Variants in DAP3 observed in about 807,000 individuals in gnomAD.
The protein encoded by DAP3 is small ribosomal subunit protein mS29.
A neutral mutation model predicts 51.9 loss-of-function variants in DAP3; 28 were observed. The ratio of observed to expected loss-of-function variants is 0.54; its 90% CI spans 0.40 to 0.74. DAP3 has a LOEUF of 0.74. DAP3 is among the 30% of genes least tolerant of loss of function. The pLI, the probability that DAP3 is intolerant of heterozygous loss-of-function variation, is 0.00. For synonymous variants in DAP3, 170 were observed against 170.3 expected, an observed-to-expected ratio of 1.00 and a Z score of 0.01; for missense variants, 458 against 483.5, an observed-to-expected ratio of 0.95 and a Z score of 0.49.
At chr1:155,738,051 C>T in intron 12 of DAP3, 106 bp from the exon 13 acceptor site, 2 of 1,053,852 alleles carry the variant, frequency 1.9e-6, no homozygotes, top group South Asian at 1.4e-5. Flanking sequence ...ATGATAATTA[C>T]CTCAGAACGT....
chr1:155,730,624 A>G (rs1218367535), intron 9 of DAP3, among the ~76,000 whole-genome samples: 2 of 151,722 alleles, frequency 1.3e-5, no homozygotes, highest in South Asian at 4.1e-4. Flanking sequence ...TCAAAAAAAT[A>G]AAAAAAAAGA....
rs1657024423 is a variant in DAP3, at chr1:155,713,964, ATTAC to A, written c.46-3039_46-3036del. On this transcript the variant is annotated intron_variant, in intron 2 of 12. Coordinates refer to ENST00000368336, the MANE Select transcript of DAP3 (RefSeq NM_004632.4). ...GTGCTATTAGCAGAAAGGAAAGAGA[ATTAC>A]TTTTGACTGGAGGTGTCTGGCAAAT... is the stretch of plus-strand genomic sequence containing the variant. Among the ~76,000 whole-genome samples, 3 of 152,348 alleles carry A rather than the reference ATTAC, an allele frequency of 2.0e-5. No homozygotes were observed. In the South Asian group the frequency reaches 6.2e-4, roughly 32 times the overall value.
intron 11 of DAP3, among the ~76,000 whole-genome samples, chr1:155,735,935 G>A (rs1348117168): frequency 6.8e-6 from 1 of 146,050 alleles, no homozygotes; most frequent in Non-Finnish European, 1.5e-5. Flanking sequence ...TCCACCTCCC[G>A]AGTTTAAGCA....
rs77625214 is a variant in DAP3 at position 155,692,680 on chromosome 1, T to C, written c.-8+3506T>C. The stretch of plus-strand genomic sequence containing the variant: ...GGCTATATTCAGTGTAAAATTTCCA[T>C]CCCTTTCTTCCAGATGATGTCTAAC... On this transcript the variant is annotated intron_variant, in intron 1 of 12. Coordinates refer to ENST00000368336, the MANE Select transcript of DAP3 (RefSeq NM_004632.4). 4.2e-5 allele frequency among the ~76,000 whole-genome samples: 6 copies of C among 142,038 alleles called. 2 individuals carry two copies. Among genetic ancestry groups the C allele is most frequent in the African/African-American group, 1.6e-4 (5 of 31,524 alleles). The allele number at this position is 142,038 out of a possible 152,430, so 93.2% of individuals were successfully genotyped here.
At chr1:155,712,276 A>G (rs1335955960) in intron 2 of DAP3, among the ~76,000 whole-genome samples, 1 of 152,194 alleles carries the variant, frequency 6.6e-6, no homozygotes, top group Non-Finnish European at 1.5e-5. Context: ...ACAACAGTCT[A>G]CTTGAGTGAT....
chr1:155,698,076 CGTT>C (rs1354177576), intron 1 of DAP3, among the ~76,000 whole-genome samples: 3 of 152,174 alleles, frequency 2.0e-5, no homozygotes, highest in Non-Finnish European at 4.4e-5. Flanking sequence ...CCCCGAAAAT[CGTT>C]GTTATCCTGT....
At chr1:155,733,769 G>A (rs1336159525) in intron 11 of DAP3, among the ~76,000 whole-genome samples, 3 of 152,196 alleles carry the variant, frequency 2.0e-5, no homozygotes, top group African/African-American at 7.2e-5. Flanking sequence ...CCCAGGAGGC[G>A]GAGGTTGCAG....
intron 11 of DAP3, among the ~76,000 whole-genome samples, chr1:155,733,089 G>A (rs1333753074): frequency 7.9e-5 from 12 of 152,206 alleles, no homozygotes; most frequent in Non-Finnish European, 1.5e-5. Flanking sequence ...GTCAGTCTTT[G>A]TCATTTGAAA....
Position 155,726,028 on chromosome 1 carries a change from T to C in DAP3, c.472+9T>C, listed in dbSNP as rs1658538413. ...ACTACATATTCCAGATGGTAAGAAC[T>C]TCCTGTTGTTTCTTCTGTCTGTTAG... On this transcript the variant is annotated intron_variant, in intron 6 of 12. Coordinates refer to ENST00000368336, the MANE Select transcript of DAP3 (RefSeq NM_004632.4). 6.2e-7 allele frequency: 1 copy of C among 1,608,802 alleles called. No homozygotes were observed. Among genetic ancestry groups the C allele is most frequent in the African/African-American group, 1.3e-5 (1 of 74,892 alleles).
At chr1:155,705,312 T>C (rs1655813044) in intron 1 of DAP3, among the ~76,000 whole-genome samples, 1 of 149,854 alleles carries the variant, frequency 6.7e-6, no homozygotes, top group Admixed American at 6.7e-5. Context: ...GTGATAAAGT[T>C]GAAGCAGAGC....
intron 1 of DAP3, among the ~76,000 whole-genome samples, chr1:155,701,084 G>A (rs1352937570): frequency 1.5e-5 from 2 of 129,640 alleles, no homozygotes; most frequent in East Asian, 2.2e-4. Context: ...CTGGCCAGCC[G>A]CCCCGTCCGG....
At chr1:155,713,587 T>TA (rs1468065694) in intron 2 of DAP3, among the ~76,000 whole-genome samples, 1 of 152,126 alleles carries the variant, frequency 6.6e-6, no homozygotes, top group African/African-American at 2.4e-5. Flanking sequence ...GAGAGGGAGA[T>TA]ATGAAAATGA....
At position 155,721,562 on chromosome 1, in the gene DAP3, C is replaced by T. The variant is rs1481123806; in HGVS notation, c.214C>T (p.Pro72Ser). 9 of 1,614,034 alleles carry T rather than the reference C, an allele frequency of 5.6e-6. No individual in the cohort carries two copies. In the East Asian group the frequency reaches 2.0e-4, roughly 36 times the overall value. The change falls in exon 4 of 13, where the codon CCC becomes TCC. Residue 72 changes from proline to serine, a missense_variant. Pro to Ser is a moderately conservative substitution (Grantham distance 74). Coordinates refer to ENST00000368336, the MANE Select transcript of DAP3 (RefSeq NM_004632.4). Reference protein sequence around the residue: ...QHEGQHYNISPQDLETVFPHG... With the variant: ...QHEGQHYNISSQDLETVFPHG... ...CGAGGGTCAGCACTACAACATCTCC[C>T]CCCAGGATTTGGAGACTGTATTTCC...
In DAP3 at chr1:155,697,723, G is replaced by A. The variant is rs146935847; in HGVS notation, c.-8+8549G>A. On this transcript the variant is annotated intron_variant, in intron 1 of 12. Transcript: ENST00000368336. ...CCATGTCCCGCTGGGCACATTGGACGTTGATATTGATAAACATCTTAACAG... is the reference window on the plus strand; with the variant it reads ...CCATGTCCCGCTGGGCACATTGGACATTGATATTGATAAACATCTTAACAG... Among the ~76,000 whole-genome samples the A allele has an allele frequency of 2.6e-3, 399 of 152,218 alleles. 2 individuals carry two copies. The highest frequency in any genetic ancestry group is 5.3e-3 in the African/African-American group (220 of 41,528).
At chr1:155,727,346 T>C (rs2293136) in intron 6 of DAP3, among the ~76,000 whole-genome samples, 1 of 151,900 alleles carries the variant, frequency 6.6e-6, no homozygotes, top group East Asian at 1.9e-4. Context: ...CCAGGCATAG[T>C]GGTTCAACAG....
intron 2 of DAP3, among the ~76,000 whole-genome samples, chr1:155,712,527 G>T (rs574199505): frequency 2.1e-5 from 3 of 144,600 alleles, no homozygotes; most frequent in African/African-American, 7.8e-5. Context: ...CAGCAGAATC[G>T]CTTGAACCTG....
At chr1:155,688,386 C>T (rs748677612), upstream of DAP3, 10 of 1,543,334 alleles carry the variant, frequency 6.5e-6, no homozygotes, top group African/African-American at 9.6e-5. Flanking sequence ...CTAAGGGCGC[C>T]TAGCGACACC....
intron 3 of DAP3, among the ~76,000 whole-genome samples, chr1:155,718,713 T>A (rs748362828): frequency 9.9e-6 from 1 of 100,834 alleles, no homozygotes; most frequent in African/African-American, 3.4e-5. Context: ...GAAAGATAGA[T>A]AGATAGATAG....
chr1:155,723,911 C>T (rs948810157), intron 4 of DAP3, among the ~76,000 whole-genome samples: 9 of 151,952 alleles, frequency 5.9e-5, no homozygotes, highest in East Asian at 1.9e-4. Flanking sequence ...TGGTGGCACA[C>T]GCCTGTAGTC....
Sources: gnomAD v4.1 joint callset for allele counts (sites outside exome capture counted in the v4.1 genomes callset) on GRCh38, gnomAD v4.1.1 for gene constraint, MANE v1.5 for transcripts, NCBI Gene and HGNC (gene_info 2026-07-23, HGNC 2026-07-21) for gene names.